Variants in QRICH1 observed in about 807,000 individuals in gnomAD.
QRICH1 encodes transcriptional regulator QRICH1.
QRICH1 carries 16 observed loss-of-function variants against 87.1 expected under a neutral mutation model. The observed-to-expected ratio is 0.18, with a 90% CI of 0.12 to 0.28. The LOEUF is 0.28. Ranked by LOEUF, QRICH1 falls within the 10% of genes least tolerant of loss-of-function variation. The pLI, the probability that QRICH1 is intolerant of heterozygous loss-of-function variation, is 1.00. For synonymous variants in QRICH1, 367 were observed against 368.4 expected (o/e 1.00, Z 0.05); for missense variants, 647 against 951.7 (o/e 0.68, Z 4.21).
At chr3:49,037,755 C>T (rs548851278) in intron 6 of QRICH1, among the ~76,000 whole-genome samples, 21 of 149,872 alleles carry the variant, frequency 1.4e-4, no homozygotes, top group Middle Eastern at 3.5e-3. Context: ...GGGCAGGGGA[C>T]GGGCAGATCA....
At chr3:49,059,660 G>A (rs2093423707) in intron 2 of QRICH1, among the ~76,000 whole-genome samples, 1 of 151,158 alleles carries the variant, frequency 6.6e-6, no homozygotes, top group Non-Finnish European at 1.5e-5. Context: ...TTGACCTTGT[G>A]ATCCGCTCAC....
chr3:49,034,447 A>G (rs879273820), intron 6 of QRICH1, among the ~76,000 whole-genome samples: 21 of 151,890 alleles, frequency 1.4e-4, no homozygotes, highest in Non-Finnish European at 2.9e-4. Context: ...GTCTCAAAAA[A>G]AAAAAAAAGG....
At chr3:49,069,951 T>C (rs1312293123) in intron 2 of QRICH1, among the ~76,000 whole-genome samples, 3 of 152,160 alleles carry the variant, frequency 2.0e-5, no homozygotes, top group Non-Finnish European at 4.4e-5. Context: ...ACCTCTACTC[T>C]GTGTATCCTC....
At chr3:49,040,920 A>G (rs2093306123) in intron 6 of QRICH1, among the ~76,000 whole-genome samples, 1 of 152,176 alleles carries the variant, frequency 6.6e-6, no homozygotes, top group Non-Finnish European at 1.5e-5. Context: ...ATAAATGTAC[A>G]GTAGTATTTC....
At chr3:49,073,008 C>A (rs528623932) in intron 2 of QRICH1, among the ~76,000 whole-genome samples, 3 of 151,972 alleles carry the variant, frequency 2.0e-5, no homozygotes, top group Non-Finnish European at 4.4e-5. Context: ...TGTCACAGCA[C>A]TCCAGCCTGG....
intron 1 of QRICH1, among the ~76,000 whole-genome samples, chr3:49,083,910 T>C (rs2042120333): frequency 6.7e-6 from 1 of 149,406 alleles, no homozygotes; most frequent in Non-Finnish European, 1.5e-5. Flanking sequence ...CAAGCGATTC[T>C]CCTGCCTCAG....
chr3:49,094,231 C>T (rs1443672548), upstream of QRICH1: 2 of 384,560 alleles, frequency 5.2e-6, no homozygotes, highest in Non-Finnish European at 9.2e-6. Flanking sequence ...GAGCGGCTCG[C>T]TCCGCCCATG....
intron 1 of QRICH1, among the ~76,000 whole-genome samples, chr3:49,084,295 G>A (rs373360992): frequency 2.6e-5 from 4 of 151,300 alleles, no homozygotes; most frequent in South Asian, 4.2e-4. Flanking sequence ...TTGCTCTGTC[G>A]CCCAGGCTGG....
chr3:49,042,126 T>C (rs1433610865), intron 6 of QRICH1, among the ~76,000 whole-genome samples: 2 of 147,524 alleles, frequency 1.4e-5, no homozygotes, highest in African/African-American at 5.0e-5. Context: ...GGGCAGACTC[T>C]TGCTCTTGTC....
chr3:49,051,978 G>A (rs2093373755), intron 3 of QRICH1, among the ~76,000 whole-genome samples: 1 of 152,146 alleles, frequency 6.6e-6, no homozygotes, highest in South Asian at 2.1e-4. Context: ...ACAGAGTATT[G>A]TACATTGTGG....
intron 9 of QRICH1, 149 bp from the exon 10 acceptor site, chr3:49,030,793 C>A: frequency 1.4e-6 from 1 of 705,188 alleles, no homozygotes; most frequent in Non-Finnish European, 2.3e-6. Context: ...CCACACACTA[C>A]ATCCTGGTCC....
chr3:49,091,647 A>G (rs953210932), intron 1 of QRICH1, among the ~76,000 whole-genome samples: 1 of 152,252 alleles, frequency 6.6e-6, no homozygotes, highest in Non-Finnish European at 1.5e-5. Flanking sequence ...GACCCGAAGG[A>G]AGACATCTAA....
At chr3:49,087,839 A>AAAAAAAAAAAAAAG (rs1553749363) in intron 1 of QRICH1, among the ~76,000 whole-genome samples, 3 of 149,324 alleles carry the variant, frequency 2.0e-5, no homozygotes, top group Admixed American at 6.7e-5. Context: ...AAAAAAAAAA[A>AAAAAAAAAAAAAAG]GAACAATGTC....
chr3:49,084,472 C>T (rs1326552697), intron 1 of QRICH1, among the ~76,000 whole-genome samples: 1 of 151,870 alleles, frequency 6.6e-6, no homozygotes, highest in Non-Finnish European at 1.5e-5. Flanking sequence ...TCAGGATGTA[C>T]TCAAACTCCT....
intron 1 of QRICH1, among the ~76,000 whole-genome samples, chr3:49,086,226 T>C (rs1382690658): frequency 6.6e-6 from 1 of 151,452 alleles, no homozygotes; most frequent in African/African-American, 2.4e-5. Context: ...AATTGTTCAC[T>C]GGTATCTCCT....
At chr3:49,066,562 TCAAG>T (rs776148290) in intron 2 of QRICH1, among the ~76,000 whole-genome samples, 98 of 151,226 alleles carry the variant, frequency 6.5e-4, no homozygotes, top group Non-Finnish European at 7.8e-4. Context: ...CCTCCCGGGT[TCAAG>T]CAATTCTCCT....
intron 2 of QRICH1, among the ~76,000 whole-genome samples, chr3:49,070,518 C>A (rs1465171711): frequency 3.9e-5 from 6 of 152,146 alleles, no homozygotes; most frequent in Admixed American, 3.9e-4. Flanking sequence ...CAGCTCACTG[C>A]AACTTCGAAC....
intron 1 of QRICH1, among the ~76,000 whole-genome samples, chr3:49,089,450 T>C (rs920549042): frequency 4.6e-5 from 7 of 152,174 alleles, no homozygotes; most frequent in South Asian, 2.1e-4. Flanking sequence ...CATTATCTAG[T>C]GAAGCTGAAA....
In QRICH1 at chr3:49,081,937, A is replaced by G. The variant is rs528524415; in HGVS notation, c.-21-4899T>C. ...ATTCTCCTGCCTCAGTCTCCAAAGT[A>G]GCTGGGATTACAGGCATACGCCACC... is the stretch of plus-strand genomic sequence containing the variant. On this transcript the variant is annotated intron_variant, in intron 1 of 9. Transcript: ENST00000395443. Among the ~76,000 whole-genome samples, 15 of 151,928 alleles carry G rather than the reference A, an allele frequency of 9.9e-5. 2 individuals are homozygous for G. The South Asian group carries it at 2.9e-3, about 29-fold the overall frequency.
Sources: gnomAD v4.1 joint callset for allele counts (sites outside exome capture counted in the v4.1 genomes callset) on GRCh38, gnomAD v4.1.1 for gene constraint, MANE v1.5 for transcripts, NCBI Gene and HGNC (gene_info 2026-07-23, HGNC 2026-07-21) for gene names.